CFAP92: variants seen among roughly 807,000 people sequenced by gnomAD.
CFAP92 encodes the protein cilia and flagella associated protein 92 (putative).
CFAP92 carries 86 observed loss-of-function variants against 106.3 expected under a neutral mutation model. The ratio of observed to expected loss-of-function variants is 0.81; its 90% CI spans 0.68 to 0.97. The LOEUF is 0.97. Among genes scored for constraint, CFAP92 ranks in the 50% least tolerant of loss-of-function variants. The pLI is 0.00. For missense variants in CFAP92, 1,204 were observed against 1,283.8 expected, an observed-to-expected ratio of 0.94 and a Z score of 0.95; for synonymous variants, 477 against 506.4, an observed-to-expected ratio of 0.94 and a Z score of 0.78.
At chr3:128,989,783 T>C (rs1161155542) in intron 2 of CFAP92, among the ~76,000 whole-genome samples, 1 of 152,232 alleles carries the variant, frequency 6.6e-6, no homozygotes, top group Non-Finnish European at 1.5e-5. Flanking sequence ...ATTTTTCTGC[T>C]ACCAAAATAG....
chr3:128,993,566 G>C, intron 1 of CFAP92: 1 of 528,310 alleles, frequency 1.9e-6, no homozygotes. Flanking sequence ...TAAGCACGAC[G>C]ACGAGCAACC....
At chr3:128,922,520 A>G (rs1266717568) in intron 12 of CFAP92, among the ~76,000 whole-genome samples, 1 of 152,188 alleles carries the variant, frequency 6.6e-6, no homozygotes, top group Non-Finnish European at 1.5e-5. Context: ...GGGTTAATCT[A>G]GTGTCTGACA....
chr3:128,926,866 C>T (rs781264252), intron 12 of CFAP92, among the ~76,000 whole-genome samples: 19 of 152,034 alleles, frequency 1.2e-4, no homozygotes, highest in Non-Finnish European at 2.2e-4. Flanking sequence ...TAGGCTGAGG[C>T]GGGCAGATCA....
At chr3:129,011,479 A>T in the CFAP92 span, among the ~76,000 whole-genome samples, 3 of 151,430 alleles carry the variant, frequency 2.0e-5, no homozygotes, top group Non-Finnish European at 4.4e-5. Context: ...TGAACCCAGA[A>T]GGTGGAGGTT....
chr3:128,935,948 C>T (rs1451775140), intron 10 of CFAP92, among the ~76,000 whole-genome samples: 1 of 152,188 alleles, frequency 6.6e-6, no homozygotes, highest in African/African-American at 2.4e-5. Flanking sequence ...TGAATGCCTC[C>T]TGGTAGACAC....
chr3:129,007,691 C>G, the CFAP92 span, among the ~76,000 whole-genome samples: 1 of 152,226 alleles, frequency 6.6e-6, no homozygotes, highest in African/African-American at 2.4e-5. Context: ...TACCCAAACT[C>G]AGCTGAATTT....
the CFAP92 span, among the ~76,000 whole-genome samples, chr3:129,020,749 C>G: frequency 6.6e-6 from 1 of 152,204 alleles, no homozygotes; most frequent in South Asian, 2.1e-4. Context: ...AGGCCAGATG[C>G]CCTTCTCAAA....
intron 12 of CFAP92, among the ~76,000 whole-genome samples, chr3:128,925,547 G>A (rs1426476334): frequency 2.6e-5 from 4 of 152,096 alleles, no homozygotes; most frequent in Non-Finnish European, 2.9e-5. Flanking sequence ...AGTATGAGAT[G>A]TATAAGTAAT....
chr3:129,019,601 A>G, the CFAP92 span, among the ~76,000 whole-genome samples: 11 of 152,316 alleles, frequency 7.2e-5, no homozygotes, highest in African/African-American at 2.4e-4. Flanking sequence ...AACTTTTAAT[A>G]TAAGTTGTAG....
chr3:128,945,317 G>A lies in CFAP92; in HGVS notation c.2012C>T (p.Ser671Phe). 6.5e-7 allele frequency: 1 copy of A among 1,536,128 alleles called. No individual in the cohort carries two copies. Among genetic ancestry groups the A allele is most frequent in the Non-Finnish European group, 8.7e-7 (1 of 1,146,920 alleles). ...GTCCTGCAGCAGGCTGTGGAGCAGGGAGACCTTCTTAAAGTCAAAGACGAA... is the reference window on the plus strand; with the variant it reads ...GTCCTGCAGCAGGCTGTGGAGCAGGAAGACCTTCTTAAAGTCAAAGACGAA... ...IIFVFDFKKV[S>F]LLHSLLQDIT... Residue 671 changes from serine (S) to phenylalanine (F), a missense_variant, in exon 10 of 16, where the codon TCC becomes TTC. Ser to Phe is a radical substitution (Grantham distance 155). Transcript: ENST00000645291.
intron 9 of CFAP92, 94 bp downstream of exon 9, chr3:128,965,417 T>C (rs1942295289): frequency 1.3e-5 from 5 of 398,018 alleles, no homozygotes; most frequent in African/African-American, 2.1e-5. Context: ...ACATTTCTCA[T>C]GTGGGGCCAT....
At chr3:128,986,210 T>C (rs1943847472) in intron 4 of CFAP92, among the ~76,000 whole-genome samples, 1 of 151,746 alleles carries the variant, frequency 6.6e-6, no homozygotes, top group African/African-American at 2.4e-5. Flanking sequence ...GTACCATATA[T>C]CATTGATTCT....
the CFAP92 span, among the ~76,000 whole-genome samples, chr3:129,014,927 T>A: frequency 1.3e-5 from 2 of 151,890 alleles, no homozygotes; most frequent in Non-Finnish European, 2.9e-5. The surrounding 1 kb of genome is among the most constrained non-coding windows in gnomAD (Gnocchi z 4.3). Context: ...AAGTCTCAGC[T>A]CCAAGTGGCT....
At chr3:129,021,574 C>A in the CFAP92 span, among the ~76,000 whole-genome samples, 17 of 152,100 alleles carry the variant, frequency 1.1e-4, no homozygotes, top group Middle Eastern at 3.4e-3. Flanking sequence ...AACTCCGTCT[C>A]AAAAAACAAA....
chr3:128,988,789 T>A lies in CFAP92; in HGVS notation c.392A>T (p.Lys131Ile). 6.2e-7 allele frequency: 1 copy of A among 1,614,044 alleles called. No individual in the cohort carries two copies. Among genetic ancestry groups the A allele is most frequent in the Non-Finnish European group, 8.5e-7 (1 of 1,179,890 alleles). Residue 131 changes from lysine to isoleucine, a missense_variant, in exon 3 of 16, where the codon AAA becomes ATA. Transcript: ENST00000645291. ...TGGAAATAGCAATATGTCAACTTTT[T>A]TAGGTTCTTCATCGTCCGGCAGAAG... ...YFLLPDDEEP[K>I]KVDILLFPMV...
At chr3:128,949,246 A>G (rs1420356666) in intron 9 of CFAP92, among the ~76,000 whole-genome samples, 1 of 152,240 alleles carries the variant, frequency 6.6e-6, no homozygotes, top group Non-Finnish European at 1.5e-5. Flanking sequence ...TGTTCCTATA[A>G]AAACATGTGT....
In CFAP92 at chr3:128,911,202, G is replaced by A. The variant is rs58042738; in HGVS notation, c.3281-869C>T. On this transcript the variant is annotated intron_variant, in intron 15 of 15. Transcript: ENST00000645291. ...CTCCCGAGTAGCTGGGATTACAGGC[G>A]CACGCCACCACGCCCGGCTAATTTT... Among the ~76,000 whole-genome samples, 292 of 151,702 alleles carry A rather than the reference G, an allele frequency of 1.9e-3. 2 individuals carry two copies. In the East Asian group the frequency reaches 0.033, roughly 17 times the overall value.
chr3:128,947,145 C>A (rs934735340), intron 9 of CFAP92, among the ~76,000 whole-genome samples: 1 of 151,962 alleles, frequency 6.6e-6, no homozygotes, highest in Non-Finnish European at 1.5e-5. Flanking sequence ...CCCTAGGTGT[C>A]CCCCCAGTGG....
At chr3:128,963,157 G>A (rs1041677134) in intron 9 of CFAP92, among the ~76,000 whole-genome samples, 4 of 151,928 alleles carry the variant, frequency 2.6e-5, no homozygotes, top group African/African-American at 9.7e-5. Context: ...AAAAACACAT[G>A]TGCTCTCCCT....
Sources: allele counts gnomAD v4.1 joint callset (sites outside exome capture counted in the v4.1 genomes callset), GRCh38; gene constraint gnomAD v4.1.1; non-coding constraint Gnocchi (gnomAD v3.1); transcripts MANE v1.5; gene names NCBI Gene and HGNC (gene_info 2026-07-23, HGNC 2026-07-21).